The following COLEC12 variants were observed in gnomAD, a reference collection of about 807,000 sequenced individuals.
COLEC12 encodes the protein collectin subfamily member 12, also known as collectin-12.
COLEC12 carries 33 observed loss-of-function variants against 71.1 expected under a neutral mutation model. That is an observed-to-expected ratio of 0.46 (90% confidence interval 0.35 to 0.62). The LOEUF (loss-of-function observed/expected upper bound fraction) is 0.62. COLEC12 is among the 20% of genes least tolerant of loss of function. COLEC12 has a pLI of 0.00. For missense variants in COLEC12, 765 were observed against 916.1 expected (o/e 0.84, Z 2.13); for synonymous variants, 350 against 353.0 (o/e 0.99, Z 0.10).
intron 2 of COLEC12, among the ~76,000 whole-genome samples, chr18:453,287 A>G (rs780174571): frequency 3.9e-5 from 6 of 152,194 alleles, no homozygotes; most frequent in Non-Finnish European, 8.8e-5. Context: ...CAGGTTGGGG[A>G]TTTCTAGAAT....
intron 1 of COLEC12, among the ~76,000 whole-genome samples, chr18:482,906 C>G (rs1598379646): frequency 6.6e-6 from 1 of 152,208 alleles, no homozygotes; most frequent in East Asian, 1.9e-4. Flanking sequence ...AGCTACCGTG[C>G]CCACCCAATC....
intron 1 of COLEC12, among the ~76,000 whole-genome samples, chr18:484,541 A>G (rs918484678): frequency 2.6e-5 from 4 of 152,240 alleles, no homozygotes; most frequent in African/African-American, 7.2e-5. Context: ...TCTGACTGCA[A>G]TTATACAGAA....
chr18:439,795 A>T (rs4798205), intron 2 of COLEC12, among the ~76,000 whole-genome samples: 23,137 of 152,204 alleles, frequency 0.15, 2,262 homozygotes, highest in Non-Finnish European at 0.22. Context: ...TCTGCAAAAA[A>T]AGTAAAAACA....
Position 481,803 on chromosome 18 carries a change from T to C in COLEC12, c.8-1046A>G, listed in dbSNP as rs547059556. Among the ~76,000 whole-genome samples the C allele has an allele frequency of 1.3e-4, 20 of 152,132 alleles. No individual in the cohort carries two copies. The South Asian group carries it at 1.7e-3, about 13-fold the overall frequency. ...AGTAGACATGAGATTCCTTATTACA[T>C]CTCTAAAGAACTGCTCATTTACAGT... On this transcript the variant is annotated intron_variant, in intron 1 of 9. Transcript: ENST00000400256.
rs1275938702 is a variant in COLEC12, at chr18:399,665, G to A, written c.59-42143C>T. Among the ~76,000 whole-genome samples, 1 of 152,158 alleles carries A rather than the reference G, an allele frequency of 6.6e-6. No homozygotes were observed. The highest frequency in any genetic ancestry group is 1.5e-5 in the Non-Finnish European group (1 of 68,042). On this transcript the variant is annotated intron_variant, in intron 2 of 9. Coordinates refer to ENST00000400256, the MANE Select transcript of COLEC12 (RefSeq NM_130386.3). The surrounding 1 kb of genome is among the most constrained non-coding windows in gnomAD (Gnocchi z 4.0). ...CTGAGTTAAAATGCAGCCGCTTTGG[G>A]GAAGAACCCTACTTTGTGCTGTTAC...
chr18:467,226 C>T (rs1168870237), intron 2 of COLEC12, among the ~76,000 whole-genome samples: 2 of 152,116 alleles, frequency 1.3e-5, no homozygotes, highest in Admixed American at 1.3e-4. Context: ...AGAGAACTGA[C>T]CTCATGATTT....
chr18:384,061 G>A (rs1915291535), intron 2 of COLEC12, among the ~76,000 whole-genome samples: 1 of 152,180 alleles, frequency 6.6e-6, no homozygotes, highest in South Asian at 2.1e-4. Flanking sequence ...ACAACATGTG[G>A]GAATTATGGG....
chr18:484,693 GA>G (rs1207407518), intron 1 of COLEC12, among the ~76,000 whole-genome samples: 3 of 151,678 alleles, frequency 2.0e-5, no homozygotes, highest in South Asian at 2.1e-4. Context: ...GCAAAGAGAA[GA>G]AAAAAAATGG....
intron 2 of COLEC12, among the ~76,000 whole-genome samples, chr18:452,591 T>C (rs554527416): frequency 6.6e-6 from 1 of 152,294 alleles, no homozygotes; most frequent in South Asian, 2.1e-4. Context: ...ATCCTCTCAT[T>C]AGCTGTGTGC....
chr18:435,919 G>A (rs1218770841), intron 2 of COLEC12, among the ~76,000 whole-genome samples: 3 of 152,160 alleles, frequency 2.0e-5, no homozygotes, highest in Admixed American at 1.3e-4. Flanking sequence ...AGACTCAGAC[G>A]GCATTTCTGG....
At chr18:489,782 A>G (rs538694393) in intron 1 of COLEC12, among the ~76,000 whole-genome samples, 42 of 152,222 alleles carry the variant, frequency 2.8e-4, no homozygotes, top group Non-Finnish European at 5.9e-4. Flanking sequence ...AAAGGTGGAC[A>G]GGAACAGGAG....
chr18:345,594 C>G (rs1914353314), intron 5 of COLEC12, among the ~76,000 whole-genome samples: 1 of 152,158 alleles, frequency 6.6e-6, no homozygotes, highest in African/African-American at 2.4e-5. Flanking sequence ...TGATGGCCAA[C>G]CATTCATCTA....
chr18:445,476 G>A (rs1045058824), intron 2 of COLEC12, among the ~76,000 whole-genome samples: 6 of 152,160 alleles, frequency 3.9e-5, no homozygotes, highest in South Asian at 4.2e-4. Flanking sequence ...TCCCCACACC[G>A]TACAATATGC....
At chr18:423,324 G>A (rs1344783852) in intron 2 of COLEC12, among the ~76,000 whole-genome samples, 3 of 152,110 alleles carry the variant, frequency 2.0e-5, no homozygotes, top group African/African-American at 4.8e-5. Context: ...GCAGGACATC[G>A]TGTTAACTAG....
chr18:407,208 G>A (rs746561615), intron 2 of COLEC12, among the ~76,000 whole-genome samples: 1 of 152,196 alleles, frequency 6.6e-6, no homozygotes, highest in Non-Finnish European at 1.5e-5. Flanking sequence ...TGTCTCTAGG[G>A]ATATAAAATA....
intron 1 of COLEC12, among the ~76,000 whole-genome samples, chr18:486,649 T>A (rs1917523854): frequency 6.6e-6 from 1 of 152,152 alleles, no homozygotes; most frequent in Admixed American, 6.5e-5. Flanking sequence ...ACCCGTACAC[T>A]CATGAAACTG....
At position 399,304 on chromosome 18, in the gene COLEC12, A is replaced by G. The variant is rs1041327100; in HGVS notation, c.59-41782T>C. Among the ~76,000 whole-genome samples, 9 of 152,336 alleles carry G rather than the reference A, an allele frequency of 5.9e-5. No individual in the cohort carries two copies. Among genetic ancestry groups the G allele is most frequent in the Non-Finnish European group, 1.2e-4 (8 of 68,016 alleles). ...CTGGAATGGGCACCACCAGCACCAC[A>G]GACCTTGTGTGTGTGGCAAGGGCCA... On this transcript the variant is annotated intron_variant, in intron 2 of 9. Coordinates refer to ENST00000400256, the MANE Select transcript of COLEC12 (RefSeq NM_130386.3). This position sits in a 1 kb window ranked among gnomAD's most constrained non-coding sequence, Gnocchi z 4.0.
intron 5 of COLEC12, among the ~76,000 whole-genome samples, chr18:338,366 C>T (rs1428240617): frequency 6.6e-6 from 1 of 152,184 alleles, no homozygotes; most frequent in Non-Finnish European, 1.5e-5. Flanking sequence ...AGCACTCTAA[C>T]GCTCACAATT....
At chr18:356,115 C>G (rs1348463439) in intron 3 of COLEC12, among the ~76,000 whole-genome samples, 1 of 152,180 alleles carries the variant, frequency 6.6e-6, no homozygotes, top group Non-Finnish European at 1.5e-5. Context: ...TTTTGCCATT[C>G]TAACTGCTAG....
Sources: gnomAD v4.1 joint callset for allele counts (sites outside exome capture counted in the v4.1 genomes callset) on GRCh38, gnomAD v4.1.1 for gene constraint, Gnocchi (gnomAD v3.1) non-coding constraint, MANE v1.5 for transcripts, NCBI Gene and HGNC (gene_info 2026-07-23, HGNC 2026-07-21) for gene names.